The following EYS variants were observed in gnomAD, a reference collection of about 807,000 sequenced individuals.
EYS encodes the protein EGF-like photoreceptor maintenance factor, also known as protein eyes shut homolog.
Under a neutral mutation model 282.1 loss-of-function variants are expected in EYS, and 250 were observed. The ratio of observed to expected loss-of-function variants is 0.89; its 90% confidence interval spans 0.80 to 0.98. The LOEUF is 0.98. Ranked by LOEUF, EYS falls within the 50% of genes least tolerant of loss-of-function variation. The pLI is 0.00. For synonymous variants in EYS, 1,355 were observed against 1,282.9 expected (o/e 1.06, Z -1.20); for missense variants, 4,016 against 3,709.0 (o/e 1.08, Z -2.15).
At chr6:64,742,607 G>A (rs2149962301) in intron 22 of EYS, among the ~76,000 whole-genome samples, 1 of 152,280 alleles carries the variant, frequency 6.6e-6, no homozygotes, top group East Asian at 1.9e-4. Context: ...AAAGGAGGCA[G>A]TAGAAAAATT....
intron 31 of EYS, among the ~76,000 whole-genome samples, chr6:64,210,542 C>T (rs985679991): frequency 6.6e-6 from 1 of 152,060 alleles, no homozygotes; most frequent in Non-Finnish European, 1.5e-5. Context: ...TCTTTAATGC[C>T]CTATCTCCAA....
At chr6:64,106,911 C>A (rs1160158821) in intron 31 of EYS, among the ~76,000 whole-genome samples, 1 of 151,120 alleles carries the variant, frequency 6.6e-6, no homozygotes, top group African/African-American at 2.4e-5. Flanking sequence ...TTTCTATTGA[C>A]ATATCCTCAA....
chr6:65,196,278 T>G (rs935030109), intron 12 of EYS, among the ~76,000 whole-genome samples: 1 of 152,066 alleles, frequency 6.6e-6, no homozygotes, highest in Admixed American at 6.6e-5. Context: ...AGGAATACAT[T>G]ATACTTTTCA....
intron 1 of EYS, among the ~76,000 whole-genome samples, chr6:65,672,222 G>T (rs1326754522): frequency 1.3e-5 from 2 of 152,018 alleles, no homozygotes; most frequent in African/African-American, 2.4e-5. Flanking sequence ...CTGAAAAACT[G>T]GTTGTTTACT....
chr6:64,175,243 T>G (rs1401695879), intron 31 of EYS, among the ~76,000 whole-genome samples: 1 of 152,168 alleles, frequency 6.6e-6, no homozygotes, highest in Non-Finnish European at 1.5e-5. Context: ...TAATTTACAT[T>G]GATTTATTCA....
At position 65,672,673 on chromosome 6, in the gene EYS, T is replaced by G. The variant is rs143080885; in HGVS notation, c.-447-32781A>C. Among the ~76,000 whole-genome samples the G allele has an allele frequency of 3.0e-3, 454 of 152,082 alleles. 3 individuals are homozygous for G. The highest frequency in any genetic ancestry group is 0.01 in the African/African-American group (434 of 41,516). ...AAAGAAATGGAGATATATGAATTAC[T>G]CAACAAAAAATTCAAAATTAACCAT... On this transcript the variant is annotated intron_variant, in intron 1 of 42. Transcript: ENST00000503581.
At chr6:64,246,918 T>C (rs958369004) in intron 30 of EYS, among the ~76,000 whole-genome samples, 3 of 152,152 alleles carry the variant, frequency 2.0e-5, no homozygotes, top group African/African-American at 7.2e-5. Flanking sequence ...TATAAAAACT[T>C]TATTTTTGAC....
At chr6:63,850,818 A>G (rs1259988710) in intron 36 of EYS, among the ~76,000 whole-genome samples, 1 of 152,266 alleles carries the variant, frequency 6.6e-6, no homozygotes, top group African/African-American at 2.4e-5. Flanking sequence ...AAATTCACAC[A>G]TAACAATATT....
intron 14 of EYS, among the ~76,000 whole-genome samples, chr6:64,959,807 T>A (rs1408773753): frequency 2.6e-5 from 4 of 151,612 alleles, no homozygotes; most frequent in Admixed American, 6.6e-5. Flanking sequence ...GATTGGTTAA[T>A]CCCTGAGTAA....
chr6:64,544,488 G>T (rs1764787681), intron 26 of EYS, among the ~76,000 whole-genome samples: 1 of 152,118 alleles, frequency 6.6e-6, no homozygotes, highest in Admixed American at 6.5e-5. Flanking sequence ...GTCACTTGAA[G>T]TAGCACCAGT....
chr6:64,341,404 A>G (rs1426883654), intron 29 of EYS, among the ~76,000 whole-genome samples: 2 of 151,806 alleles, frequency 1.3e-5, no homozygotes, highest in African/African-American at 2.4e-5. Flanking sequence ...CAGCATGGAT[A>G]TGGCTGGAGG....
chr6:65,508,798 C>A (rs1766756394), intron 2 of EYS, among the ~76,000 whole-genome samples: 1 of 152,120 alleles, frequency 6.6e-6, no homozygotes. Flanking sequence ...TGGCCAAACT[C>A]TTCCTCACTG....
At chr6:64,825,666 G>T (rs1765033507) in intron 19 of EYS, among the ~76,000 whole-genome samples, 1 of 151,776 alleles carries the variant, frequency 6.6e-6, no homozygotes. Flanking sequence ...ATAACTAAAA[G>T]AGTTGTCTGT....
chr6:65,626,159 T>A (rs1169418035), intron 2 of EYS, among the ~76,000 whole-genome samples: 1 of 152,156 alleles, frequency 6.6e-6, no homozygotes, highest in Non-Finnish European at 1.5e-5. Context: ...TAGACGATGA[T>A]ACAAAGCACT....
Position 64,708,982 on chromosome 6 carries a change from A to G in EYS, c.3444-82737T>C, listed in dbSNP as rs139183386. Among the ~76,000 whole-genome samples, 16 of 150,834 alleles carry G rather than the reference A, an allele frequency of 1.1e-4. No homozygotes were observed. In the East Asian group the frequency reaches 3.1e-3, roughly 30 times the overall value. Reference sequence around the variant, plus strand: ...TTTAATTTGAATATTGTATTAATGCATAGGGCAAAGATGATTGCCTGGCAT... The same window carrying G: ...TTTAATTTGAATATTGTATTAATGCGTAGGGCAAAGATGATTGCCTGGCAT... On this transcript the variant is annotated intron_variant, in intron 22 of 42. Transcript: ENST00000503581.
intron 26 of EYS, among the ~76,000 whole-genome samples, chr6:64,573,663 C>T (rs796976404): frequency 2.0e-5 from 3 of 149,966 alleles, no homozygotes; most frequent in African/African-American, 7.3e-5. Flanking sequence ...AGGCAACAAA[C>T]ATATGAAAAA....
intron 5 of EYS, among the ~76,000 whole-genome samples, chr6:65,421,214 G>T (rs889757309): frequency 6.6e-6 from 1 of 151,350 alleles, no homozygotes; most frequent in Non-Finnish European, 1.5e-5. Context: ...AAAATATGTT[G>T]TTTGGTATAA....
At chr6:65,022,186 A>C (rs892706811) in intron 13 of EYS, among the ~76,000 whole-genome samples, 1 of 152,284 alleles carries the variant, frequency 6.6e-6, no homozygotes, top group South Asian at 2.1e-4. Flanking sequence ...TTTTCTCCTA[A>C]GTCTGTGCTT....
At chr6:65,506,312 C>G (rs1178103030) in intron 2 of EYS, among the ~76,000 whole-genome samples, 1 of 151,922 alleles carries the variant, frequency 6.6e-6, no homozygotes, top group Non-Finnish European at 1.5e-5. Context: ...CTGTATTTCA[C>G]TGATTTCCAT....
Sources: gnomAD v4.1 joint callset for allele counts (sites outside exome capture counted in the v4.1 genomes callset) on GRCh38, gnomAD v4.1.1 for gene constraint, MANE v1.5 for transcripts, NCBI Gene and HGNC (gene_info 2026-07-23, HGNC 2026-07-21) for gene names.